CSMD1: variants seen among roughly 807,000 people sequenced by gnomAD.
CSMD1 encodes CUB and Sushi multiple domains 1, also known as CUB and sushi domain-containing protein 1.
CSMD1 carries 213 observed loss-of-function variants against 417.5 expected under a neutral mutation model. The observed-to-expected ratio is 0.51, with a 90% CI of 0.46 to 0.57. CSMD1 has a LOEUF of 0.57. Ranked by LOEUF, CSMD1 falls within the 20% of genes least tolerant of loss-of-function variation. The pLI is 0.00. For missense variants in CSMD1, 6,923 were observed against 4,529.7 expected (o/e 1.53, Z -15.17); for synonymous variants, 2,862 against 1,736.8 (o/e 1.65, Z -16.11).
At chr8:4,925,837 G>C (rs1005202835) in intron 1 of CSMD1, among the ~76,000 whole-genome samples, 1 of 152,122 alleles carries the variant, frequency 6.6e-6, no homozygotes, top group Non-Finnish European at 1.5e-5. Context: ...GTGAGCCCTC[G>C]CGCCTGGCCT....
intron 5 of CSMD1, among the ~76,000 whole-genome samples, chr8:3,787,807 G>C (rs1407479634): frequency 6.6e-6 from 1 of 152,172 alleles, no homozygotes; most frequent in Non-Finnish European, 1.5e-5. Flanking sequence ...TACTTTAAAT[G>C]TGCTGGAATA....
chr8:3,618,769 A>T (rs1484232072), intron 7 of CSMD1, among the ~76,000 whole-genome samples: 2 of 152,228 alleles, frequency 1.3e-5, no homozygotes, highest in African/African-American at 4.8e-5. Context: ...TGTTCAAAAT[A>T]GGACTATATT....
At chr8:4,610,252 C>T (rs1048204759) in intron 2 of CSMD1, among the ~76,000 whole-genome samples, 1 of 152,238 alleles carries the variant, frequency 6.6e-6, no homozygotes. Flanking sequence ...TCATAGAGAT[C>T]AAGTGGGAAG....
chr8:4,442,360 C>A (rs182507753), intron 2 of CSMD1, among the ~76,000 whole-genome samples: 1 of 152,146 alleles, frequency 6.6e-6, no homozygotes. Flanking sequence ...CATTCCCACA[C>A]GTTTGCCTAG....
At chr8:3,995,132 G>C (rs1335870963) in intron 5 of CSMD1, among the ~76,000 whole-genome samples, 1 of 152,096 alleles carries the variant, frequency 6.6e-6, no homozygotes, top group Non-Finnish European at 1.5e-5. Flanking sequence ...TAAAATAATA[G>C]GCTTTTTAAG....
chr8:4,915,924 G>T (rs1247141809), intron 1 of CSMD1, among the ~76,000 whole-genome samples: 1 of 152,178 alleles, frequency 6.6e-6, no homozygotes, highest in Non-Finnish European at 1.5e-5. Context: ...TGGGGAGTGG[G>T]TATAAAACTG....
chr8:4,918,465 T>G (rs1255806277), intron 1 of CSMD1, among the ~76,000 whole-genome samples: 3 of 152,192 alleles, frequency 2.0e-5, no homozygotes, highest in Non-Finnish European at 4.4e-5. Context: ...TTACCCATTT[T>G]CTAACTTTCT....
chr8:4,912,801 G>GT (rs965334285), intron 1 of CSMD1, among the ~76,000 whole-genome samples: 2 of 151,344 alleles, frequency 1.3e-5, no homozygotes, highest in Non-Finnish European at 2.9e-5. Context: ...TTTTTGGAGG[G>GT]GGGGCACAGA....
intron 3 of CSMD1, among the ~76,000 whole-genome samples, chr8:4,356,348 A>G (rs1324209187): frequency 1.3e-5 from 2 of 151,346 alleles, no homozygotes; most frequent in Admixed American, 1.3e-4. Flanking sequence ...ACACACACAC[A>G]CCAGTTTCTT....
In CSMD1 at chr8:4,984,550, G is replaced by A. The variant is rs578140907; in HGVS notation, c.85+9782C>T. On this transcript the variant is annotated intron_variant, in intron 1 of 69. Coordinates refer to ENST00000635120, the MANE Select transcript of CSMD1 (RefSeq NM_033225.6). Reference sequence around the variant, plus strand: ...AAGTTTTCTTGTCTGTTCTCCGGCTGCTTCTCCTCAACATCCTCATCTTCA... The same window carrying A: ...AAGTTTTCTTGTCTGTTCTCCGGCTACTTCTCCTCAACATCCTCATCTTCA... Among the ~76,000 whole-genome samples the A allele has an allele frequency of 3.3e-5, 5 of 152,330 alleles. No homozygotes were observed. In the South Asian group the frequency reaches 8.3e-4, roughly 25 times the overall value.
chr8:3,269,239 C>A (rs528428318), intron 26 of CSMD1, among the ~76,000 whole-genome samples: 1 of 152,352 alleles, frequency 6.6e-6, no homozygotes, highest in South Asian at 2.1e-4. Context: ...TGTTCACAAT[C>A]TATGATCCTA....
chr8:4,874,679 G>A (rs1802939032), intron 1 of CSMD1, among the ~76,000 whole-genome samples: 2 of 151,828 alleles, frequency 1.3e-5, no homozygotes, highest in South Asian at 2.1e-4. Flanking sequence ...GGCATCTTAT[G>A]TAGAATAGCT....
intron 2 of CSMD1, among the ~76,000 whole-genome samples, chr8:4,467,114 C>T (rs1490998120): frequency 3.2e-5 from 4 of 124,476 alleles, no homozygotes; most frequent in South Asian, 2.6e-4. Flanking sequence ...GCTCTAGATT[C>T]TTCAGAGTAA....
intron 1 of CSMD1, among the ~76,000 whole-genome samples, chr8:4,813,997 T>C (rs1254625071): frequency 6.6e-6 from 1 of 152,230 alleles, no homozygotes; most frequent in Non-Finnish European, 1.5e-5. Context: ...TGTTGCATAA[T>C]TGATTAACAC....
chr8:3,950,629 T>G (rs898959466), intron 5 of CSMD1, among the ~76,000 whole-genome samples: 2 of 152,206 alleles, frequency 1.3e-5, no homozygotes, highest in African/African-American at 2.4e-5. Flanking sequence ...AGGAACGTGT[T>G]TGATCTTTTT....
chr8:3,156,114 C>T lies in CSMD1; in HGVS notation c.5914+1783G>A, dbSNP rs79783733. Among the ~76,000 whole-genome samples, 1,054 of 152,290 alleles carry T rather than the reference C, an allele frequency of 6.9e-3. 9 individuals carry two copies. Among genetic ancestry groups the T allele is most frequent in the African/African-American group, 0.024 (1,008 of 41,558 alleles). On this transcript the variant is annotated intron_variant, in intron 39 of 69. Transcript: ENST00000635120. ...TTCTAAACAGAATGTGAATAGCTCC[C>T]AGGACAATTTTAAGGCTATTCTGTG...
chr8:4,019,582 G>A (rs1340057378), intron 4 of CSMD1, among the ~76,000 whole-genome samples: 2 of 152,118 alleles, frequency 1.3e-5, no homozygotes, highest in Admixed American at 6.5e-5. Flanking sequence ...TTTACGGTCT[G>A]CTCTTGCTGG....
chr8:4,845,972 AT>A (rs1457553594), intron 1 of CSMD1, among the ~76,000 whole-genome samples: 12 of 152,216 alleles, frequency 7.9e-5, no homozygotes, highest in Non-Finnish European at 1.5e-4. Context: ...AGAATCGGCT[AT>A]AAATTTGCTG....
chr8:4,104,052 C>G (rs1270137803), intron 3 of CSMD1, among the ~76,000 whole-genome samples: 1 of 152,202 alleles, frequency 6.6e-6, no homozygotes, highest in Non-Finnish European at 1.5e-5. Flanking sequence ...CTGGGCATTA[C>G]TCAAGTACTA....
Sources: allele counts gnomAD v4.1 joint callset (sites outside exome capture counted in the v4.1 genomes callset), GRCh38; gene constraint gnomAD v4.1.1; transcripts MANE v1.5; gene names NCBI Gene and HGNC (gene_info 2026-07-23, HGNC 2026-07-21).